TPRN: variants seen among roughly 807,000 people sequenced by gnomAD.
The protein encoded by TPRN is chromosome 9 open reading frame 75.
A neutral mutation model predicts 42.6 loss-of-function variants in TPRN; 32 were observed. The ratio of observed to expected loss-of-function variants is 0.75; its 90% CI spans 0.57 to 1.01. The LOEUF (loss-of-function observed/expected upper bound fraction) is 1.01. Ranked by LOEUF, TPRN falls within the 50% of genes least tolerant of loss-of-function variation. TPRN has a pLI of 0.00. For missense variants in TPRN, 1,095 were observed against 957.5 expected (o/e 1.14, Z -1.90); for synonymous variants, 541 against 445.6 (o/e 1.21, Z -2.70).
In TPRN at chr9:137,192,242, A is replaced by G. The variant is rs1431576201; in HGVS notation, c.2073+17T>C. The G allele has an allele frequency of 6.2e-7, 1 of 1,612,452 alleles. No individual in the cohort carries two copies. The highest frequency in any genetic ancestry group is 8.5e-7 in the Non-Finnish European group (1 of 1,179,852). On this transcript the variant is annotated intron_variant, in intron 3 of 3. Coordinates refer to ENST00000409012, the MANE Select transcript of TPRN (RefSeq NM_001128228.3). ...GGTGTCAGACTCCCCCCAGCGCTCC[A>G]CTCCCCCGCATCTCACCATGGCCTC...
rs746974855 is a variant in TPRN, at chr9:137,199,611, G to A, written c.1101C>T (p.Leu367=). The change falls in exon 1 of 4, where the codon CTC becomes CTT. Residue 367 remains leucine, a synonymous_variant. Coordinates refer to ENST00000409012, the MANE Select transcript of TPRN (RefSeq NM_001128228.3). The part of the protein sequence containing the change: ...DLGPASPSQE[L]GSQPVPGGDG... ...CCCCTCCAGGCACCGGCTGGGATCC[G>A]AGCTCCTGGCTCGGGGAGGCCGGGC... 52 of 1,558,602 alleles carry A rather than the reference G, an allele frequency of 3.3e-5. No homozygotes were observed. Among genetic ancestry groups the A allele is most frequent in the Non-Finnish European group, 4.2e-5 (48 of 1,151,728 alleles).
Position 137,191,993 on chromosome 9 carries a change from G to A in TPRN, c.*119C>T. ...CCCTAGCTGCTTCCAGGGCCAGGAG[G>A]GGTGGGTGGGATACAGTGAGGCCAA... On this transcript the variant is annotated 3_prime_UTR_variant, in exon 4 of 4. Coordinates refer to ENST00000409012, the MANE Select transcript of TPRN (RefSeq NM_001128228.3). 1.6e-6 allele frequency: 2 copies of A among 1,264,910 alleles called. No homozygotes were observed. The highest frequency in any genetic ancestry group is 2.2e-6 in the Non-Finnish European group (2 of 896,832). 78.4% of individuals were successfully genotyped at this position (1,264,910 alleles called of 1,614,324 possible).
In TPRN at chr9:137,191,886, T is replaced by G. The variant is rs561388595; in HGVS notation, c.*226A>C. On this transcript the variant is annotated 3_prime_UTR_variant, in exon 4 of 4. Coordinates refer to ENST00000409012, the MANE Select transcript of TPRN (RefSeq NM_001128228.3). The stretch of plus-strand genomic sequence containing the variant: ...CCCCTGGCACTCACCCACAGGCAGT[T>G]CCCCACCCCACTTCCCCCTTGGACC... 4.3e-4 allele frequency: 268 copies of G among 623,120 alleles called. 1 individual carries two copies. The highest frequency in any genetic ancestry group is 3.6e-3 in the Admixed American group (147 of 41,218). The allele number at this position is 623,120 out of a possible 1,614,324, so 38.6% of individuals were successfully genotyped here. A position where few individuals can be genotyped will look rare whatever the true frequency, so the allele number is the denominator to read the frequency against.
rs543888482 is a variant in TPRN, at chr9:137,199,494, G to A, written c.1218C>T (p.Leu406=). The change falls in exon 1 of 4, where the codon CTC becomes CTT. Residue 406 remains leucine (L), a synonymous_variant. Transcript: ENST00000409012. ...TCTGCCACCTAATAGCCCGGTCAGC[G>A]AGGGCGGTGGCTGTCCTGGGACAGG... ...EGACPRTATA[L]ADRAIRWQRP... is the part of the protein sequence containing the mutation. 9 of 1,585,320 alleles carry A rather than the reference G, an allele frequency of 5.7e-6. No homozygotes were observed. In the Admixed American group the frequency reaches 1.1e-4, roughly 19 times the overall value.
At position 137,191,832 on chromosome 9, in the gene TPRN, C is replaced by T. The variant is rs974369951; in HGVS notation, c.*280G>A. The T allele has an allele frequency of 3.2e-5, 17 of 528,650 alleles. No individual in the cohort carries two copies. Among genetic ancestry groups the T allele is most frequent in the East Asian group, 6.8e-5 (2 of 29,284 alleles). 32.7% of individuals were successfully genotyped at this position (528,650 alleles called of 1,614,324 possible). ...GTGCAGAATCTGCACAGCCCCCTGC[C>T]GGGTCGCAGATGGCCACCACCCAGC... On this transcript the variant is annotated 3_prime_UTR_variant, in exon 4 of 4. Transcript: ENST00000409012.
chr9:137,199,383 C>T lies in TPRN; in HGVS notation c.1329G>A (p.Lys443=). 6.2e-7 allele frequency: 1 copy of T among 1,612,792 alleles called. No homozygotes were observed. Among genetic ancestry groups the T allele is most frequent in the Non-Finnish European group, 8.5e-7 (1 of 1,179,988 alleles). The change falls in exon 1 of 4, where the codon AAG becomes AAA. Residue 443 remains lysine, a synonymous_variant. Coordinates refer to ENST00000409012, the MANE Select transcript of TPRN (RefSeq NM_001128228.3). ...AEGLRVPGLA[K]NSREYVRPGL... is the part of the protein sequence containing the mutation. ...CCGGCCTCACATATTCCCGGCTATT[C>T]TTGGCCAAGCCAGGAACCCTGAGGC...
In TPRN at chr9:137,199,865, G is replaced by C. The variant is rs1374779987; in HGVS notation, c.847C>G (p.Gln283Glu). ...GTGGCTGCGGAGACGCACTGGCGCTGGCTAGGAGTGGCACTGGCAGGGGGT... is the reference window on the plus strand; with the variant it reads ...GTGGCTGCGGAGACGCACTGGCGCTCGCTAGGAGTGGCACTGGCAGGGGGT... ...ASPPASATPSQRQCVSAATST... is the reference protein window; with the variant it reads ...ASPPASATPSERQCVSAATST... Residue 283 changes from glutamine (Q) to glutamate (E), a missense_variant, in exon 1 of 4, where the codon CAG becomes GAG. Physicochemically the swap from Gln to Glu is conservative, Grantham distance 29. Coordinates refer to ENST00000409012, the MANE Select transcript of TPRN (RefSeq NM_001128228.3). 1 of 1,550,958 alleles carries C rather than the reference G, an allele frequency of 6.4e-7. No individual in the cohort carries two copies.
In TPRN at chr9:137,191,954, G is replaced by A. The variant is rs1294823280; in HGVS notation, c.*158C>T. 6.7e-5 allele frequency: 61 copies of A among 903,952 alleles called. No homozygotes were observed. The highest frequency in any genetic ancestry group is 1.5e-4 in the African/African-American group (9 of 61,126). The allele number at this position is 903,952 out of a possible 1,614,324, so 56.0% of individuals were successfully genotyped here. On this transcript the variant is annotated 3_prime_UTR_variant, in exon 4 of 4. Transcript: ENST00000409012. ...GGGAGTGAGACCCAGACCTGGCCCC[G>A]ATGGCAGGAGGCACCCTAGCTGCTT...
Position 137,199,895 on chromosome 9 carries a change from C to T in TPRN, c.817G>A (p.Ala273Thr). The T allele has an allele frequency of 1.6e-6, 2 of 1,233,856 alleles. No individual in the cohort carries two copies. 76.4% of individuals were successfully genotyped at this position (1,233,856 alleles called of 1,614,324 possible). Residue 273 changes from alanine to threonine, a missense_variant, in exon 1 of 4, where the codon GCC (alanine) becomes ACC (threonine). By Grantham distance (58) the Ala-to-Thr change is moderately conservative (BLOSUM62 0). Transcript: ENST00000409012. ...PSPGTPSATP[A>T]SPPASATPSQ... ...GGAGTGGCACTGGCAGGGGGTGAGGCTGGAGTGGCACTCGGGGTCCCGGGG... is the reference window on the plus strand; with the variant it reads ...GGAGTGGCACTGGCAGGGGGTGAGGTTGGAGTGGCACTCGGGGTCCCGGGG...
At chr9:137,198,859 T>C in intron 1 of TPRN, 128 bp downstream of exon 1, 1 of 1,568,410 alleles carries the variant, frequency 6.4e-7, no homozygotes, top group South Asian at 1.1e-5. Flanking sequence ...CCAGCTCGCC[T>C]CAAGTCCATG....
At chr9:137,195,789 G>A (rs1027609474) in intron 1 of TPRN, among the ~76,000 whole-genome samples, 2 of 152,170 alleles carry the variant, frequency 1.3e-5, no homozygotes, top group Admixed American at 1.3e-4. Context: ...GGTGCTCCAC[G>A]AAGAGGAAAA....
intron 1 of TPRN, among the ~76,000 whole-genome samples, chr9:137,197,437 T>C (rs1316842450): frequency 1.3e-5 from 2 of 152,128 alleles, no homozygotes; most frequent in Non-Finnish European, 2.9e-5. Context: ...ATGGCCAGAC[T>C]CTAGGCAGTG....
In TPRN at chr9:137,200,579, C is replaced by G. The variant is rs1317698446; in HGVS notation, c.133G>C (p.Glu45Gln). 1 of 1,149,342 alleles carries G rather than the reference C, an allele frequency of 8.7e-7. No homozygotes were observed. The highest frequency in any genetic ancestry group is 1.1e-6 in the Non-Finnish European group (1 of 938,930). 71.2% of individuals were successfully genotyped at this position (1,149,342 alleles called of 1,614,324 possible). Residue 45 changes from glutamate (E) to glutamine (Q), a missense_variant, in exon 1 of 4, where the codon GAG becomes CAG. Physicochemically the swap from Glu to Gln is conservative, Grantham distance 29. Coordinates refer to ENST00000409012, the MANE Select transcript of TPRN (RefSeq NM_001128228.3). The surrounding 1 kb of genome is among the most constrained non-coding windows in gnomAD (Gnocchi z 4.3). Reference protein sequence around the residue: ...GGAGPGAAEPEQRVLAESLGP... With the variant: ...GGAGPGAAEPQQRVLAESLGP... ...AGGCTCTCGGCCAGCACCCGCTGCT[C>G]GGGCTCCGCCGCCCCGGGCCCCGCG...
chr9:137,200,029 G>A lies in TPRN; in HGVS notation c.683C>T (p.Pro228Leu). ...ARLLSNGHSA[P>L]EPRAGPANRL... is the part of the protein sequence containing the mutation. ...GTTGGCAGGGCCGGCCCGGGGCTCA[G>A]GGGCCGAGTGCCCGTTGGAGAGCAG... The change falls in exon 1 of 4, where the codon CCT (proline) becomes CTT (leucine). Residue 228 changes from proline to leucine, a missense_variant. By Grantham distance (98) the Pro-to-Leu change is moderately conservative. Coordinates refer to ENST00000409012, the MANE Select transcript of TPRN (RefSeq NM_001128228.3). The surrounding 1 kb of genome is among the most constrained non-coding windows in gnomAD (Gnocchi z 4.3). 1 of 1,441,914 alleles carries A rather than the reference G, an allele frequency of 6.9e-7. No homozygotes were observed. The highest frequency in any genetic ancestry group is 9.1e-7 in the Non-Finnish European group (1 of 1,104,324). 89.3% of individuals were successfully genotyped at this position (1,441,914 alleles called of 1,614,324 possible). A position where few individuals can be genotyped will look rare whatever the true frequency, so the allele number is the denominator to read the frequency against.
In TPRN at chr9:137,192,452, T is replaced by TG. The variant is rs1341134360; in HGVS notation, c.1964dup (p.Gly656ArgfsTer44). ...CCTGTCCCCCAGGTGGGCACTCACCTGAGCTACCCTCTGGCAGCCGAGAGC... is the reference window on the plus strand; with the variant it reads ...CCTGTCCCCCAGGTGGGCACTCACCTGGAGCTACCCTCTGGCAGCCGAGAGC... On this transcript the variant is annotated frameshift_variant and splice_region_variant, in exon 2 of 4. Transcript: ENST00000409012. LOFTEE classifies it high-confidence loss of function. 1 of 1,607,376 alleles carries TG rather than the reference T, an allele frequency of 6.2e-7. No homozygotes were observed. The highest frequency in any genetic ancestry group is 1.7e-5 in the Admixed American group (1 of 59,286).
In TPRN at chr9:137,192,436, C is replaced by T. The variant is rs1412002939; in HGVS notation, c.1966+15G>A. 1.2e-6 allele frequency: 2 copies of T among 1,608,512 alleles called. No individual in the cohort carries two copies. Among genetic ancestry groups the T allele is most frequent in the East Asian group, 2.2e-5 (1 of 44,510 alleles). Reference sequence around the variant, plus strand: ...CACCCCTCCCAGGCTGCCTGTCCCCCAGGTGGGCACTCACCTGAGCTACCC... The same window carrying T: ...CACCCCTCCCAGGCTGCCTGTCCCCTAGGTGGGCACTCACCTGAGCTACCC... On this transcript the variant is annotated intron_variant, in intron 2 of 3. Coordinates refer to ENST00000409012, the MANE Select transcript of TPRN (RefSeq NM_001128228.3).
chr9:137,199,946 C>T lies in TPRN; in HGVS notation c.766G>A (p.Asp256Asn), dbSNP rs1275910820. Residue 256 changes from aspartate to asparagine, a missense_variant, in exon 1 of 4, where the codon GAT becomes AAT. Coordinates refer to ENST00000409012, the MANE Select transcript of TPRN (RefSeq NM_001128228.3). ...GQWKPKVESG[D>N]PSLHPPPSPG... ...CTGGGGGGCGGGTGGAGGGAGGGAT[C>T]CCCCGACTCCACCTTTGGCTTCCAC... 2.0e-6 allele frequency: 3 copies of T among 1,485,752 alleles called. No homozygotes were observed. Among genetic ancestry groups the T allele is most frequent in the South Asian group, 1.3e-5 (1 of 75,382 alleles). 92.0% of individuals were successfully genotyped at this position (1,485,752 alleles called of 1,614,324 possible).
At position 137,199,880 on chromosome 9, in the gene TPRN, T is replaced by G. The variant is rs757623362; in HGVS notation, c.832A>C (p.Ser278Arg). 2 of 1,143,048 alleles carry G rather than the reference T, an allele frequency of 1.7e-6. No individual in the cohort carries two copies. Among genetic ancestry groups the G allele is most frequent in the South Asian group, 1.8e-5 (1 of 57,048 alleles). The allele number at this position is 1,143,048 out of a possible 1,614,324, so 70.8% of individuals were successfully genotyped here. The change falls in exon 1 of 4, where the codon AGT becomes CGT. Residue 278 changes from serine (S) to arginine (R), a missense_variant. Coordinates refer to ENST00000409012, the MANE Select transcript of TPRN (RefSeq NM_001128228.3). Reference protein sequence around the residue: ...PSATPASPPASATPSQRQCVS... With the variant: ...PSATPASPPARATPSQRQCVS... ...CACTGGCGCTGGCTAGGAGTGGCAC[T>G]GGCAGGGGGTGAGGCTGGAGTGGCA... is the stretch of plus-strand genomic sequence containing the variant.
rs1228535385 is a variant in TPRN at position 137,199,814 on chromosome 9, G to A, written c.898C>T (p.Arg300Trp). ...TCCATAACTGGCTTGGGGGCCGGCC[G>A]TATCTCGAAGGAGTCGTTGGTGCTG... is the stretch of plus-strand genomic sequence containing the variant. ...ATSTNDSFEI[R>W]PAPKPVMETI... Residue 300 changes from arginine to tryptophan, a missense_variant, in exon 1 of 4, where the codon CGG (arginine) becomes TGG (tryptophan). Transcript: ENST00000409012. The A allele has an allele frequency of 1.3e-6, 2 of 1,591,952 alleles. No individual in the cohort carries two copies. The highest frequency in any genetic ancestry group is 1.7e-6 in the Non-Finnish European group (2 of 1,169,716).
Sources: gnomAD v4.1 joint callset for allele counts (sites outside exome capture counted in the v4.1 genomes callset) on GRCh38, gnomAD v4.1.1 for gene constraint, Gnocchi (gnomAD v3.1) non-coding constraint, MANE v1.5 for transcripts, NCBI Gene and HGNC (gene_info 2026-07-23, HGNC 2026-07-21) for gene names.